The following KCNB2 variants were observed in gnomAD, a reference collection of about 807,000 sequenced individuals.
KCNB2 encodes the protein delayed rectifier potassium channel protein.
In KCNB2, 15 loss-of-function variants were observed where a neutral mutation model predicts 61.5. The ratio of observed to expected loss-of-function variants is 0.24; its 90% CI spans 0.16 to 0.38. The LOEUF (loss-of-function observed/expected upper bound fraction) is 0.38, where lower values mean the gene tolerates loss of function less well. KCNB2 is among the 10% of genes least tolerant of loss of function. The probability of loss-of-function intolerance (pLI) is 1.00; values close to 1 mark genes in which losing one functional copy is unlikely to be tolerated. For synonymous variants in KCNB2, 457 were observed against 446.0 expected, an observed-to-expected ratio of 1.02 and a Z score of -0.31; for missense variants, 828 against 1,125.2, an observed-to-expected ratio of 0.74 and a Z score of 3.78.
intron 2 of KCNB2, among the ~76,000 whole-genome samples, chr8:72,700,328 G>T (rs1034744381): frequency 6.6e-6 from 1 of 151,942 alleles, no homozygotes; most frequent in African/African-American, 2.4e-5. Context: ...AAACCTGCAC[G>T]TTCTGCACAT....
chr8:72,686,634 C>T (rs777619467), intron 2 of KCNB2, among the ~76,000 whole-genome samples: 1 of 152,184 alleles, frequency 6.6e-6, no homozygotes, highest in Non-Finnish European at 1.5e-5. Flanking sequence ...AACCTGAAAA[C>T]AACCTCAAAC....
chr8:72,768,284 C>T (rs1808493342), intron 2 of KCNB2, among the ~76,000 whole-genome samples: 2 of 152,088 alleles, frequency 1.3e-5, no homozygotes, highest in South Asian at 4.1e-4. Flanking sequence ...TCAAGCAATC[C>T]TGCCTCACCC....
chr8:72,714,042 C>T (rs1424931298), intron 2 of KCNB2, among the ~76,000 whole-genome samples: 1 of 152,100 alleles, frequency 6.6e-6, no homozygotes, highest in Non-Finnish European at 1.5e-5. Flanking sequence ...ATGCAATCAA[C>T]TGGAAGAAAT....
intron 2 of KCNB2, among the ~76,000 whole-genome samples, chr8:72,882,169 T>A (rs1206660800): frequency 6.6e-6 from 1 of 152,104 alleles, no homozygotes; most frequent in Non-Finnish European, 1.5e-5. Context: ...ATCAGATTCC[T>A]GAGATACCAC....
chr8:72,817,498 G>C (rs112773397), intron 2 of KCNB2, among the ~76,000 whole-genome samples: 1 of 152,090 alleles, frequency 6.6e-6, no homozygotes, highest in Non-Finnish European at 1.5e-5. Flanking sequence ...CTCGGATTTT[G>C]GTGTGAAGAG....
chr8:72,850,714 T>G (rs925197904), intron 2 of KCNB2, among the ~76,000 whole-genome samples: 3 of 152,152 alleles, frequency 2.0e-5, no homozygotes, highest in Non-Finnish European at 2.9e-5. Flanking sequence ...AAAAGAAAAT[T>G]TAATGGAATA....
intron 2 of KCNB2, among the ~76,000 whole-genome samples, chr8:72,658,664 C>T (rs1806331009): frequency 6.6e-6 from 1 of 152,160 alleles, no homozygotes; most frequent in Non-Finnish European, 1.5e-5. Flanking sequence ...GATTTCAAAG[C>T]CTCAAAGAAC....
At chr8:72,565,663 A>C (rs13274129) in intron 1 of KCNB2, among the ~76,000 whole-genome samples, 114 of 93,832 alleles carry the variant, frequency 1.2e-3, no homozygotes, top group African/African-American at 3.9e-3. Context: ...CACACACACA[A>C]CACACACACA....
In KCNB2 at chr8:72,820,948, A is replaced by G. The variant is rs369140153; in HGVS notation, c.580-114987A>G. 5.9e-5 allele frequency among the ~76,000 whole-genome samples: 9 copies of G among 151,988 alleles called. No homozygotes were observed. In the East Asian group the frequency reaches 1.4e-3, roughly 23 times the overall value. ...GCATATTTTCATACAAACCAAACAC[A>G]TTTTTCCTAGTCTCCTTCAAAAGAA... is the stretch of plus-strand genomic sequence containing the variant. On this transcript the variant is annotated intron_variant, in intron 2 of 2. Transcript: ENST00000523207.
chr8:72,599,659 A>G (rs1284064498), intron 2 of KCNB2, among the ~76,000 whole-genome samples: 1 of 152,194 alleles, frequency 6.6e-6, no homozygotes, highest in East Asian at 1.9e-4. Flanking sequence ...GTGAACAGGC[A>G]ACCTACAGGA....
intron 2 of KCNB2, among the ~76,000 whole-genome samples, chr8:72,894,177 A>C (rs1479208987): frequency 1.3e-5 from 2 of 152,196 alleles, no homozygotes; most frequent in Non-Finnish European, 2.9e-5. Flanking sequence ...CAGCAATGCA[A>C]CAGTGTGCAG....
intron 2 of KCNB2, among the ~76,000 whole-genome samples, chr8:72,608,752 A>T (rs1805494294): frequency 6.6e-6 from 1 of 152,174 alleles, no homozygotes; most frequent in African/African-American, 2.4e-5. Context: ...AAGGGATGAG[A>T]CATCAGTTCA....
At chr8:72,783,150 T>A (rs574895961) in intron 2 of KCNB2, among the ~76,000 whole-genome samples, 2 of 152,182 alleles carry the variant, frequency 1.3e-5, no homozygotes, top group African/African-American at 4.8e-5. Context: ...TTGTTTCCAC[T>A]TCACAAGAAA....
intron 1 of KCNB2, among the ~76,000 whole-genome samples, chr8:72,550,609 A>G (rs1002712093): frequency 3.3e-5 from 5 of 152,174 alleles, no homozygotes; most frequent in African/African-American, 1.2e-4. Flanking sequence ...ATTATTTCCC[A>G]GAGATAAATT....
Position 72,561,753 on chromosome 8 carries a change from A to G in KCNB2, c.-93-5889A>G, listed in dbSNP as rs1457183269. Among the ~76,000 whole-genome samples the G allele has an allele frequency of 3.9e-3, 95 of 24,304 alleles. 3 individuals are homozygous for G. Among genetic ancestry groups the G allele is most frequent in the African/African-American group, 0.023 (64 of 2,740 alleles). The allele number at this position is 24,304 out of a possible 152,430, so 15.9% of individuals were successfully genotyped here. On this transcript the variant is annotated intron_variant, in intron 1 of 2. Coordinates refer to ENST00000523207, the MANE Select transcript of KCNB2 (RefSeq NM_004770.3). ...TCTATATCTATATATATATGTATAT[A>G]TATATATGGATATATATATATATGG...
chr8:72,586,659 C>T (rs1472730276), intron 2 of KCNB2, among the ~76,000 whole-genome samples: 1 of 152,102 alleles, frequency 6.6e-6, no homozygotes, highest in East Asian at 1.9e-4. Context: ...CTCATTCTTA[C>T]TTTTGAGGAT....
intron 2 of KCNB2, among the ~76,000 whole-genome samples, chr8:72,903,337 T>C (rs183839860): frequency 6.6e-6 from 1 of 152,258 alleles, no homozygotes; most frequent in East Asian, 1.9e-4. Flanking sequence ...TGCTGGTAGG[T>C]GGAGGTCAGA....
At chr8:72,824,351 G>C (rs1354452470) in intron 2 of KCNB2, among the ~76,000 whole-genome samples, 3 of 152,012 alleles carry the variant, frequency 2.0e-5, no homozygotes, top group Non-Finnish European at 4.4e-5. Context: ...CTGACTCTGT[G>C]CCATGTGTCT....
intron 2 of KCNB2, among the ~76,000 whole-genome samples, chr8:72,727,788 G>A (rs1285864292): frequency 1.3e-5 from 2 of 152,098 alleles, no homozygotes; most frequent in Non-Finnish European, 2.9e-5. Flanking sequence ...AACACAGAAT[G>A]TAACATTGAA....
Sources: allele counts gnomAD v4.1 joint callset (sites outside exome capture counted in the v4.1 genomes callset), GRCh38; gene constraint gnomAD v4.1.1; transcripts MANE v1.5; gene names NCBI Gene and HGNC (gene_info 2026-07-23, HGNC 2026-07-21).